Variants in RBFOX1 observed in about 807,000 individuals in gnomAD.
RBFOX1 encodes RNA binding fox-1 homolog 1.
In RBFOX1, 8 loss-of-function variants were observed where a neutral mutation model predicts 57.7. The ratio of observed to expected loss-of-function variants is 0.14; its 90% CI spans 0.08 to 0.25. The LOEUF (loss-of-function observed/expected upper bound fraction) is 0.25, where lower values mean the gene tolerates loss of function less well. Ranked by LOEUF, RBFOX1 falls within the 10% of genes least tolerant of loss-of-function variation. The probability of loss-of-function intolerance (pLI) is 1.00; values close to 1 mark genes in which losing one functional copy is unlikely to be tolerated. For synonymous variants in RBFOX1, 326 were observed against 222.4 expected (o/e 1.47, Z -4.15); for missense variants, 611 against 548.5 (o/e 1.11, Z -1.14).
chr16:6,367,168 C>T (rs370208206), intron 2 of RBFOX1, among the ~76,000 whole-genome samples: 2 of 152,328 alleles, frequency 1.3e-5, no homozygotes, highest in African/African-American at 4.8e-5. Context: ...GACGTCAGCA[C>T]GTGGAACACA....
intron 1 of RBFOX1, among the ~76,000 whole-genome samples, chr16:5,457,659 T>G (rs1224183441): frequency 6.6e-6 from 1 of 152,236 alleles, no homozygotes; most frequent in East Asian, 1.9e-4. Context: ...GTTGTCTTAG[T>G]GCAGATACTG....
intron 1 of RBFOX1, among the ~76,000 whole-genome samples, chr16:6,065,958 C>T (rs183361589): frequency 2.2e-4 from 34 of 152,208 alleles, no homozygotes; most frequent in Non-Finnish European, 3.5e-4. Context: ...TTGGAAAGTG[C>T]GCTAAGCATG....
chr16:7,433,189 C>A (rs1221573172), intron 4 of RBFOX1, among the ~76,000 whole-genome samples: 4 of 152,160 alleles, frequency 2.6e-5, no homozygotes, highest in Admixed American at 6.5e-5. Context: ...AGGAGGAAGT[C>A]TATAAAATCT....
chr16:6,569,116 C>T (rs534154103), intron 2 of RBFOX1, among the ~76,000 whole-genome samples: 1 of 152,204 alleles, frequency 6.6e-6, no homozygotes, highest in South Asian at 2.1e-4. Flanking sequence ...GCTTTGAATA[C>T]TCTCTCTGCC....
intron 4 of RBFOX1, among the ~76,000 whole-genome samples, chr16:5,873,174 A>G (rs2057518918): frequency 6.6e-6 from 1 of 151,716 alleles, no homozygotes; most frequent in Non-Finnish European, 1.5e-5. Context: ...AAACAACAAC[A>G]ACAACAACAA....
chr16:6,947,780 C>G (rs897501514), intron 3 of RBFOX1, among the ~76,000 whole-genome samples: 2 of 152,060 alleles, frequency 1.3e-5, no homozygotes, highest in African/African-American at 2.4e-5. Flanking sequence ...TTCTCTTGCT[C>G]TTTTTCATTT....
At chr16:6,983,448 CTT>C (rs1255901429) in intron 3 of RBFOX1, among the ~76,000 whole-genome samples, 4 of 131,124 alleles carry the variant, frequency 3.1e-5, no homozygotes, top group Admixed American at 7.9e-5. Flanking sequence ...GACTTGCTGG[CTT>C]TTTTTTTTTT....
At chr16:6,834,226 A>G (rs1240227272) in intron 3 of RBFOX1, among the ~76,000 whole-genome samples, 1 of 151,954 alleles carries the variant, frequency 6.6e-6, no homozygotes, top group Non-Finnish European at 1.5e-5. Flanking sequence ...GGTGCCCGCT[A>G]GCACGCCCCA....
intron 3 of RBFOX1, among the ~76,000 whole-genome samples, chr16:6,920,227 C>G (rs573981280): frequency 6.8e-6 from 1 of 147,978 alleles, no homozygotes; most frequent in Non-Finnish European, 1.5e-5. Context: ...GCAAATTGTG[C>G]TGCTATAAAC....
chr16:5,589,024 G>A (rs1056766406), intron 2 of RBFOX1, among the ~76,000 whole-genome samples: 6 of 152,188 alleles, frequency 3.9e-5, no homozygotes, highest in Non-Finnish European at 7.4e-5. Flanking sequence ...GGATGTAGCT[G>A]AAAAACTGCA....
In RBFOX1 at chr16:5,530,880, G is replaced by A. The variant is rs2044439691; in HGVS notation, c.258+63626G>A. Among the ~76,000 whole-genome samples, 3 of 142,476 alleles carry A rather than the reference G, an allele frequency of 2.1e-5. No individual in the cohort carries two copies. The South Asian group carries it at 6.7e-4, about 32-fold the overall frequency. The allele number at this position is 142,476 out of a possible 152,430, so 93.5% of individuals were successfully genotyped here. On this transcript the variant is annotated intron_variant, in intron 2 of 2. Coordinates refer to the RBFOX1 transcript ENST00000585867. ...AGGTGGGCGGATCATCTGAGGTCAG[G>A]AGTTCGAGACCAGCCTGGCCAACAT...
At chr16:6,172,010 ATGGG>A (rs1159516542) in intron 1 of RBFOX1, among the ~76,000 whole-genome samples, 1 of 151,400 alleles carries the variant, frequency 6.6e-6, no homozygotes, top group Non-Finnish European at 1.5e-5. Context: ...TTTAGTAGAG[ATGGG>A]GTTTCACTGT....
intron 4 of RBFOX1, among the ~76,000 whole-genome samples, chr16:5,918,438 C>T (rs1306684792): frequency 1.3e-5 from 2 of 152,114 alleles, no homozygotes; most frequent in South Asian, 4.1e-4. Context: ...CTTTTTCCAC[C>T]AACACCGGTG....
At chr16:6,990,957 T>G (rs988051501) in intron 3 of RBFOX1, among the ~76,000 whole-genome samples, 2 of 151,978 alleles carry the variant, frequency 1.3e-5, no homozygotes, top group African/African-American at 4.8e-5. Context: ...TGTTCATTGA[T>G]TGCATATTTT....
At chr16:7,564,834 C>T (rs554738203) in intron 5 of RBFOX1, among the ~76,000 whole-genome samples, 12 of 152,270 alleles carry the variant, frequency 7.9e-5, no homozygotes, top group African/African-American at 7.2e-5. Context: ...CAAAGGAATT[C>T]GGAGTCAGCC....
chr16:6,681,670 A>AG (rs1348246371), intron 3 of RBFOX1, among the ~76,000 whole-genome samples: 2 of 42,068 alleles, frequency 4.8e-5, no homozygotes, highest in Non-Finnish European at 1.2e-4. Context: ...TCATTTAACC[A>AG]GAAAAAAAAA....
At chr16:5,808,311 G>C (rs2055301150) in intron 3 of RBFOX1, among the ~76,000 whole-genome samples, 1 of 152,156 alleles carries the variant, frequency 6.6e-6, no homozygotes, top group Admixed American at 6.5e-5. Context: ...ATGCTGTTTT[G>C]GTTACTGTAC....
intron 4 of RBFOX1, among the ~76,000 whole-genome samples, chr16:7,242,226 C>G (rs1325673769): frequency 1.3e-5 from 2 of 152,150 alleles, no homozygotes; most frequent in African/African-American, 4.8e-5. Flanking sequence ...AGTTTATCCC[C>G]AAAGGACTGA....
intron 3 of RBFOX1, among the ~76,000 whole-genome samples, chr16:6,673,860 G>T (rs1278778825): frequency 6.6e-6 from 1 of 152,172 alleles, no homozygotes; most frequent in East Asian, 1.9e-4. Flanking sequence ...AGTAGTTACA[G>T]ATATTAAGAG....
Sources: gnomAD v4.1 joint callset for allele counts (sites outside exome capture counted in the v4.1 genomes callset) on GRCh38, gnomAD v4.1.1 for gene constraint, MANE v1.5 for transcripts, NCBI Gene and HGNC (gene_info 2026-07-23, HGNC 2026-07-21) for gene names.